MTA3: variants seen among roughly 807,000 people sequenced by gnomAD.
MTA3 encodes the protein metastasis associated 1 family member 3.
Under a neutral mutation model 83.5 loss-of-function variants are expected in MTA3, and 34 were observed. The observed-to-expected ratio is 0.41, with a 90% CI of 0.31 to 0.54. The LOEUF is 0.54. MTA3 is among the 20% of genes least tolerant of loss of function. The pLI is 0.33. For synonymous variants in MTA3, 303 were observed against 252.7 expected, an observed-to-expected ratio of 1.20 and a Z score of -1.89; for missense variants, 761 against 726.4, an observed-to-expected ratio of 1.05 and a Z score of -0.55.
chr2:42,650,069 A>G (rs925965628), intron 6 of MTA3, among the ~76,000 whole-genome samples: 4 of 152,226 alleles, frequency 2.6e-5, no homozygotes, highest in African/African-American at 7.2e-5. Flanking sequence ...TTTGCAGAAT[A>G]TGAACTTCTT....
intron 3 of MTA3, among the ~76,000 whole-genome samples, chr2:42,583,002 C>T (rs1183427867): frequency 6.6e-6 from 1 of 151,940 alleles, no homozygotes; most frequent in Non-Finnish European, 1.5e-5. Context: ...TAGTGATTTC[C>T]TTTTTTTCTC....
intron 6 of MTA3, among the ~76,000 whole-genome samples, chr2:42,653,224 C>G (rs761578364): frequency 3.9e-5 from 6 of 151,982 alleles, no homozygotes; most frequent in Non-Finnish European, 8.8e-5. Flanking sequence ...TAGGGGAGAT[C>G]GTCATGGTCT....
intron 4 of MTA3, among the ~76,000 whole-genome samples, chr2:42,626,780 G>A (rs900895395): frequency 1.3e-5 from 2 of 151,380 alleles, no homozygotes; most frequent in Non-Finnish European, 2.9e-5. Context: ...TTGCTTTGTC[G>A]CCCAGGATGT....
chr2:42,704,888 G>A (rs1204131776), intron 12 of MTA3, among the ~76,000 whole-genome samples: 3 of 152,170 alleles, frequency 2.0e-5, no homozygotes, highest in East Asian at 1.9e-4. Context: ...GAAGTGAACC[G>A]TTAGGTAGTT....
At chr2:42,518,874 G>T (rs778976269) in intron 2 of MTA3, among the ~76,000 whole-genome samples, 1 of 152,022 alleles carries the variant, frequency 6.6e-6, no homozygotes, top group African/African-American at 2.4e-5. Flanking sequence ...GCTGAGGTGG[G>T]AGGATCACCT....
intron 14 of MTA3, among the ~76,000 whole-genome samples, chr2:42,711,018 G>C (rs1666560734): frequency 6.6e-6 from 1 of 152,164 alleles, no homozygotes; most frequent in Non-Finnish European, 1.5e-5. Context: ...GGCAGAGGTT[G>C]CAGTGAGCTG....
chr2:42,599,066 A>G (rs377040768), intron 3 of MTA3, among the ~76,000 whole-genome samples: 1 of 152,154 alleles, frequency 6.6e-6, no homozygotes, highest in African/African-American at 2.4e-5. Flanking sequence ...TTCGTTTGCT[A>G]GTGGTGACAG....
chr2:42,668,457 GCCGCTGAGTTCC>G (rs776959330), intron 8 of MTA3, among the ~76,000 whole-genome samples: 30 of 152,190 alleles, frequency 2.0e-4, no homozygotes, highest in South Asian at 4.1e-4. Flanking sequence ...GAAAAAGGCT[GCCGCTGAGTTCC>G]CACATGACAT....
intron 2 of MTA3, among the ~76,000 whole-genome samples, chr2:42,517,157 G>C (rs1485637643): frequency 2.0e-5 from 3 of 152,152 alleles, no homozygotes; most frequent in Non-Finnish European, 4.4e-5. Flanking sequence ...CTACTCAGGA[G>C]GCTAAGGCAG....
chr2:42,627,148 G>T (rs908054819), intron 4 of MTA3, among the ~76,000 whole-genome samples: 8 of 151,794 alleles, frequency 5.3e-5, no homozygotes, highest in African/African-American at 1.7e-4. Context: ...ACGATTCGTG[G>T]CTCATTGCAG....
chr2:42,648,444 T>C (rs1207617683), intron 6 of MTA3, among the ~76,000 whole-genome samples: 1 of 152,190 alleles, frequency 6.6e-6, no homozygotes, highest in Non-Finnish European at 1.5e-5. Flanking sequence ...ATTAATATCT[T>C]GGGTAGGTGG....
chr2:42,504,770 T>TA (rs1674553509), intron 2 of MTA3, among the ~76,000 whole-genome samples: 1 of 152,132 alleles, frequency 6.6e-6, no homozygotes, highest in South Asian at 2.1e-4. Flanking sequence ...GTGCTGGGAT[T>TA]ACAGGCGTGA....
At chr2:42,633,163 T>C (rs1052500061) in intron 4 of MTA3, among the ~76,000 whole-genome samples, 6 of 151,854 alleles carry the variant, frequency 4.0e-5, no homozygotes, top group Non-Finnish European at 7.4e-5. Context: ...CTCGGGAGGC[T>C]GAGGCAGGAG....
intron 3 of MTA3, among the ~76,000 whole-genome samples, chr2:42,583,329 G>C (rs1428484643): frequency 6.6e-6 from 1 of 152,128 alleles, no homozygotes; most frequent in African/African-American, 2.4e-5. Context: ...GTATCTTACT[G>C]TATTTCTGTT....
upstream of MTA3, among the ~76,000 whole-genome samples, chr2:42,566,858 T>C (rs563379552): frequency 7.8e-4 from 119 of 152,324 alleles, 1 homozygote; most frequent in African/African-American, 2.7e-3. Context: ...GTTCAGAACA[T>C]TCTAGGCCAG....
chr2:42,555,870 G>A (rs1011182493), intron 2 of MTA3, among the ~76,000 whole-genome samples: 8 of 151,986 alleles, frequency 5.3e-5, no homozygotes, highest in Non-Finnish European at 8.8e-5. Context: ...TCAGGAGTTC[G>A]AGATCAGCCT....
chr2:42,720,390 C>T (rs1164261804), intron 15 of MTA3, among the ~76,000 whole-genome samples: 1 of 152,010 alleles, frequency 6.6e-6, no homozygotes, highest in African/African-American at 2.4e-5. Flanking sequence ...ACCTTGTTAG[C>T]CAGGAGGGTC....
chr2:42,505,297 C>T (rs576304118), intron 2 of MTA3, among the ~76,000 whole-genome samples: 2 of 152,194 alleles, frequency 1.3e-5, no homozygotes, highest in Admixed American at 1.3e-4. Flanking sequence ...GAGGCTGAAG[C>T]AGGAGAATCG....
At chr2:42,589,144 A>G (rs1007038640) in intron 3 of MTA3, among the ~76,000 whole-genome samples, 2 of 152,190 alleles carry the variant, frequency 1.3e-5, no homozygotes, top group African/African-American at 4.8e-5. Flanking sequence ...ATAGTTTGAC[A>G]CATAAAACCA....
Sources: allele counts gnomAD v4.1 joint callset (sites outside exome capture counted in the v4.1 genomes callset), GRCh38; gene constraint gnomAD v4.1.1; transcripts MANE v1.5; gene names NCBI Gene and HGNC (gene_info 2026-07-23, HGNC 2026-07-21).